SPATS2: variants seen among roughly 807,000 people sequenced by gnomAD.
SPATS2 encodes spermatogenesis-associated serine-rich protein 2.
In SPATS2, 38 loss-of-function variants were observed where a neutral mutation model predicts 63.7. The ratio of observed to expected loss-of-function variants is 0.60; its 90% CI spans 0.46 to 0.78. The LOEUF is 0.78. SPATS2 is among the 30% of genes least tolerant of loss of function. The pLI is 0.00. For missense variants in SPATS2, 588 were observed against 666.2 expected, an observed-to-expected ratio of 0.88 and a Z score of 1.29; for synonymous variants, 207 against 232.9, an observed-to-expected ratio of 0.89 and a Z score of 1.01.
At chr12:49,445,617 A>G (rs1319996821) in intron 2 of SPATS2, among the ~76,000 whole-genome samples, 1 of 152,130 alleles carries the variant, frequency 6.6e-6, no homozygotes, top group African/African-American at 2.4e-5. Context: ...TCCCAGGTTC[A>G]AGTGATCCTA....
chr12:49,452,592 G>GTT (rs1016742402), intron 2 of SPATS2, among the ~76,000 whole-genome samples: 14 of 152,060 alleles, frequency 9.2e-5, no homozygotes, highest in Non-Finnish European at 2.9e-5. Flanking sequence ...TTTCTTCATT[G>GTT]TTTTTTCTCC....
chr12:49,379,149 T>TG (rs1020942841), intron 2 of SPATS2, among the ~76,000 whole-genome samples: 4 of 149,744 alleles, frequency 2.7e-5, no homozygotes, highest in Admixed American at 2.7e-4. Context: ...CTTGAACTCC[T>TG]GACCTCATGA....
At chr12:49,480,458 A>C (rs148788173) in intron 3 of SPATS2, among the ~76,000 whole-genome samples, 30 of 152,288 alleles carry the variant, frequency 2.0e-4, no homozygotes, top group Middle Eastern at 3.4e-3. Flanking sequence ...CATTGTTGTT[A>C]TATTGAGATG....
intron 9 of SPATS2, among the ~76,000 whole-genome samples, chr12:49,509,887 C>G (rs1946720112): frequency 6.6e-6 from 1 of 150,624 alleles, no homozygotes; most frequent in African/African-American, 2.4e-5. Flanking sequence ...AAAGAGGAAA[C>G]CGTCTTCAAA....
At chr12:49,465,980 A>G (rs1333850204) in intron 3 of SPATS2, among the ~76,000 whole-genome samples, 9 of 151,848 alleles carry the variant, frequency 5.9e-5, no homozygotes, top group Admixed American at 2.0e-4. Context: ...TAAAAAGTAG[A>G]AGTTTTAAAT....
chr12:49,475,579 TACAGGTGC>T (rs937753665), intron 3 of SPATS2, among the ~76,000 whole-genome samples: 32 of 152,252 alleles, frequency 2.1e-4, no homozygotes, highest in African/African-American at 7.7e-4. Flanking sequence ...TAGCTGGGAT[TACAGGTGC>T]ACGTCACCAC....
At chr12:49,514,154 C>CAA (rs5798108) in intron 9 of SPATS2, among the ~76,000 whole-genome samples, 2 of 117,636 alleles carry the variant, frequency 1.7e-5, no homozygotes, top group African/African-American at 5.6e-5. Context: ...GACTCCGTCT[C>CAA]AAAAAAAAAA....
intron 3 of SPATS2, among the ~76,000 whole-genome samples, chr12:49,478,588 G>A (rs566460829): frequency 6.6e-6 from 1 of 152,304 alleles, no homozygotes; most frequent in African/African-American, 2.4e-5. Flanking sequence ...ATTTCTGTAA[G>A]AATTGGCACT....
chr12:49,424,327 T>C (rs1343993165), intron 2 of SPATS2, among the ~76,000 whole-genome samples: 1 of 152,210 alleles, frequency 6.6e-6, no homozygotes, highest in African/African-American at 2.4e-5. Flanking sequence ...TTCTGAGACA[T>C]CTGTGATATT....
At chr12:49,413,299 GC>G (rs1944830440) in intron 2 of SPATS2, among the ~76,000 whole-genome samples, 1 of 152,042 alleles carries the variant, frequency 6.6e-6, no homozygotes, top group African/African-American at 2.4e-5. Flanking sequence ...CAGCTACGGC[GC>G]CTTGGACATC....
intron 2 of SPATS2, among the ~76,000 whole-genome samples, chr12:49,414,280 AG>A (rs1944847743): frequency 6.6e-6 from 1 of 152,200 alleles, no homozygotes; most frequent in South Asian, 2.1e-4. Context: ...TGTAGAGCTT[AG>A]GTTTCCTATA....
intron 2 of SPATS2, among the ~76,000 whole-genome samples, chr12:49,443,205 C>G (rs1262698216): frequency 6.6e-6 from 1 of 152,198 alleles, no homozygotes; most frequent in Non-Finnish European, 1.5e-5. Flanking sequence ...CTGCAGTGAA[C>G]ATAGGTGTGC....
chr12:49,448,203 T>A (rs1263232353), intron 2 of SPATS2, among the ~76,000 whole-genome samples: 6 of 151,008 alleles, frequency 4.0e-5, no homozygotes, highest in Non-Finnish European at 8.9e-5. Context: ...AGTGGCGTGA[T>A]CTCGGCTCAC....
At chr12:49,495,702 G>A (rs915713708) in intron 7 of SPATS2, among the ~76,000 whole-genome samples, 6 of 152,112 alleles carry the variant, frequency 3.9e-5, no homozygotes, top group African/African-American at 1.4e-4. Context: ...GGCATAAATG[G>A]GTTAATAGCA....
chr12:49,423,521 T>C (rs1457488108), intron 2 of SPATS2, among the ~76,000 whole-genome samples: 1 of 152,200 alleles, frequency 6.6e-6, no homozygotes. Flanking sequence ...TGCTCTCATA[T>C]TGAAGCCTCC....
chr12:49,437,416 C>T (rs1945332357), intron 2 of SPATS2, among the ~76,000 whole-genome samples: 1 of 152,150 alleles, frequency 6.6e-6, no homozygotes, highest in African/African-American at 2.4e-5. Flanking sequence ...TCCTCACTTC[C>T]CAGACGGGGT....
chr12:49,514,989 T>A (rs1297259911), intron 10 of SPATS2, among the ~76,000 whole-genome samples: 1 of 152,216 alleles, frequency 6.6e-6, no homozygotes, highest in African/African-American at 2.4e-5. Flanking sequence ...TTAGGTTGCC[T>A]ACGATTGTAT....
intron 2 of SPATS2, among the ~76,000 whole-genome samples, chr12:49,435,586 A>G (rs996252845): frequency 2.7e-5 from 4 of 150,662 alleles, no homozygotes; most frequent in African/African-American, 9.8e-5. Context: ...TCAGCCTCCC[A>G]AAGTGCTAGG....
At position 49,526,515 on chromosome 12, in the gene SPATS2, G is replaced by A; in HGVS notation, c.*260G>A. On this transcript the variant is annotated 3_prime_UTR_variant, in exon 14 of 14. Transcript: ENST00000552918. The stretch of plus-strand genomic sequence containing the variant: ...TTTCCACCAGGAATCAGAGGCAGCT[G>A]TTACCAGGTTTCGGCCTTCCAGTTG... The A allele has an allele frequency of 1.9e-5, 9 of 470,546 alleles. No homozygotes were observed. Among genetic ancestry groups the A allele is most frequent in the Non-Finnish European group, 3.4e-5 (9 of 268,192 alleles). The allele number at this position is 470,546 out of a possible 1,614,324, so 29.1% of individuals were successfully genotyped here.
Sources: allele counts gnomAD v4.1 joint callset (sites outside exome capture counted in the v4.1 genomes callset), GRCh38; gene constraint gnomAD v4.1.1; transcripts MANE v1.5; gene names NCBI Gene and HGNC (gene_info 2026-07-23, HGNC 2026-07-21).